ST7: variants seen among roughly 807,000 people sequenced by gnomAD.
ST7 encodes the protein suppressor of tumorigenicity 7 protein.
ST7 carries 28 observed loss-of-function variants against 78.7 expected under a neutral mutation model. That is an observed-to-expected ratio of 0.36 (90% CI 0.26 to 0.49). The LOEUF is 0.49. ST7 is among the 20% of genes least tolerant of loss of function. The pLI is 0.99. For missense variants in ST7, 418 were observed against 696.0 expected (o/e 0.60, Z 4.49); for synonymous variants, 247 against 249.6 (o/e 0.99, Z 0.10).
At chr7:117,002,196 C>A (rs1463454567) in intron 1 of ST7, among the ~76,000 whole-genome samples, 1 of 152,010 alleles carries the variant, frequency 6.6e-6, no homozygotes, top group African/African-American at 2.4e-5. Flanking sequence ...CCACTGTACT[C>A]CAGCCTGGGC....
chr7:117,008,706 C>A (rs990331352), intron 1 of ST7, among the ~76,000 whole-genome samples: 2 of 152,170 alleles, frequency 1.3e-5, no homozygotes, highest in South Asian at 4.1e-4. Context: ...TGCAATCAGG[C>A]AGTTGTTGAT....
intron 2 of ST7, among the ~76,000 whole-genome samples, chr7:117,113,138 G>A (rs531818697): frequency 6.6e-6 from 1 of 152,328 alleles, no homozygotes; most frequent in East Asian, 1.9e-4. Context: ...TCATATAGTT[G>A]CAGTGCTGAG....
chr7:117,202,863 GTT>G (rs143261860), intron 12 of ST7, among the ~76,000 whole-genome samples: 57 of 152,168 alleles, frequency 3.7e-4, no homozygotes, highest in African/African-American at 1.2e-3. Context: ...GATTCTAAGT[GTT>G]TTTTTCCCCC....
chr7:117,071,087 C>T lies in ST7; in HGVS notation c.152-28675C>T, dbSNP rs973062110. ...ACAAAAAATTAGCCGGGCGTGGTGG[C>T]GGGCGCCTGTAGTCCCAGCTACTCG... is the stretch of plus-strand genomic sequence containing the variant. On this transcript the variant is annotated intron_variant, in intron 1 of 15. Coordinates refer to ENST00000323984, the MANE Select transcript of ST7 (RefSeq NM_001369598.1). Among the ~76,000 whole-genome samples the T allele has an allele frequency of 5.3e-5, 8 of 151,946 alleles. 1 individual carries two copies. Among genetic ancestry groups the T allele is most frequent in the Admixed American group, 4.6e-4 (7 of 15,282 alleles).
At chr7:117,099,197 A>C (rs577213257) in intron 1 of ST7, among the ~76,000 whole-genome samples, 3 of 152,050 alleles carry the variant, frequency 2.0e-5, no homozygotes, top group African/African-American at 7.2e-5. Context: ...GTTGAAAAAA[A>C]CCTTTTACTC....
At chr7:117,069,821 G>T (rs1798835957) in intron 1 of ST7, among the ~76,000 whole-genome samples, 1 of 152,180 alleles carries the variant, frequency 6.6e-6, no homozygotes, top group African/African-American at 2.4e-5. Context: ...GCTTCTCAAA[G>T]GCCCTAGAGA....
chr7:117,065,864 G>C (rs1798607841), intron 1 of ST7, among the ~76,000 whole-genome samples: 1 of 152,174 alleles, frequency 6.6e-6, no homozygotes, highest in Non-Finnish European at 1.5e-5. Context: ...TCAAGACCCA[G>C]CACGTTCTGG....
intron 15 of ST7, chr7:117,222,997 C>G: frequency 6.5e-7 from 1 of 1,549,330 alleles, no homozygotes; most frequent in Non-Finnish European, 8.9e-7. Flanking sequence ...CACCCCTCTT[C>G]CCCCACCACC....
intron 1 of ST7, among the ~76,000 whole-genome samples, chr7:117,014,600 GT>G (rs1795523800): frequency 6.6e-6 from 1 of 152,186 alleles, no homozygotes; most frequent in Non-Finnish European, 1.5e-5. Context: ...TTCCTTTCAG[GT>G]TATGTGGCTT....
intron 1 of ST7, among the ~76,000 whole-genome samples, chr7:117,065,790 T>C (rs571443123): frequency 3.3e-5 from 5 of 152,286 alleles, no homozygotes; most frequent in African/African-American, 1.2e-4. Flanking sequence ...CATCCTTCTG[T>C]TCAAAAACCG....
At chr7:117,007,654 T>A (rs1006306622) in intron 1 of ST7, among the ~76,000 whole-genome samples, 3 of 152,220 alleles carry the variant, frequency 2.0e-5, no homozygotes, top group Non-Finnish European at 2.9e-5. Context: ...CATCTAGGCC[T>A]TTCATAGCTG....
chr7:117,213,306 T>C (rs10228149), intron 13 of ST7, among the ~76,000 whole-genome samples: 4,470 of 152,262 alleles, frequency 0.029, 225 homozygotes, highest in African/African-American at 0.1. Context: ...CCAACTTCCC[T>C]TTTTCATTAG....
intron 1 of ST7, among the ~76,000 whole-genome samples, chr7:117,084,421 G>T (rs1323335987): frequency 6.6e-6 from 1 of 152,168 alleles, no homozygotes; most frequent in Non-Finnish European, 1.5e-5. Flanking sequence ...ACATGCTTGG[G>T]TACAAGCTTT....
chr7:117,052,964 T>C (rs1789329026), intron 1 of ST7, among the ~76,000 whole-genome samples: 1 of 152,170 alleles, frequency 6.6e-6, no homozygotes, highest in Non-Finnish European at 1.5e-5. Context: ...TATGTGCAAT[T>C]TTATATCCTC....
At chr7:117,226,687 C>T (rs1235592370) in intron 15 of ST7, among the ~76,000 whole-genome samples, 1 of 152,176 alleles carries the variant, frequency 6.6e-6, no homozygotes, top group Non-Finnish European at 1.5e-5. Flanking sequence ...ACTACATTGC[C>T]TGCTCCTTCC....
intron 7 of ST7, among the ~76,000 whole-genome samples, chr7:117,134,776 A>G (rs1355657582): frequency 6.6e-6 from 1 of 152,012 alleles, no homozygotes; most frequent in African/African-American, 2.4e-5. Flanking sequence ...TTTCCAAGTC[A>G]TGGATGCTGC....
At chr7:117,104,555 C>T (rs755893862) in intron 2 of ST7, among the ~76,000 whole-genome samples, 6 of 152,182 alleles carry the variant, frequency 3.9e-5, no homozygotes, top group Non-Finnish European at 7.3e-5. Flanking sequence ...CTATGGAAAA[C>T]GGATGTTTCT....
At chr7:117,228,509 C>T (rs903747696) in intron 15 of ST7, among the ~76,000 whole-genome samples, 28 of 152,150 alleles carry the variant, frequency 1.8e-4, no homozygotes, top group South Asian at 2.1e-4. Context: ...ATATGGATCT[C>T]GCATTTGATG....
intron 1 of ST7, among the ~76,000 whole-genome samples, chr7:116,963,900 C>T (rs1441496449): frequency 2.6e-5 from 4 of 151,788 alleles, no homozygotes; most frequent in African/African-American, 9.7e-5. Flanking sequence ...CAAAGTGCTG[C>T]GACTTTGGTT....
Sources: allele counts gnomAD v4.1 joint callset (sites outside exome capture counted in the v4.1 genomes callset), GRCh38; gene constraint gnomAD v4.1.1; transcripts MANE v1.5; gene names NCBI Gene and HGNC (gene_info 2026-07-23, HGNC 2026-07-21).